Variants in MOK observed in about 807,000 individuals in gnomAD.
MOK encodes the protein MOK protein kinase.
In MOK, 59 loss-of-function variants were observed where a neutral mutation model predicts 54.2. The observed-to-expected ratio is 1.09, with a 90% confidence interval of 0.88 to 1.35. The LOEUF is 1.35. MOK is among the 40% of genes most tolerant of loss of function. The pLI is 0.00. For missense variants in MOK, 517 were observed against 526.2 expected, an observed-to-expected ratio of 0.98 and a Z score of 0.17; for synonymous variants, 210 against 202.7, an observed-to-expected ratio of 1.04 and a Z score of -0.31.
chr14:102,283,691 A>G, intron 1 of MOK, 99 bp from the exon 2 acceptor site: 1 of 670,104 alleles, frequency 1.5e-6, no homozygotes, highest in Non-Finnish European at 2.5e-6. Context: ...TAATTTAAAC[A>G]GCAATATACT....
At chr14:102,261,414 AAAAAATATATATATATATATATATATAT>A (rs2067425450) in intron 4 of MOK, among the ~76,000 whole-genome samples, 1 of 64,266 alleles carries the variant, frequency 1.6e-5, no homozygotes, top group Non-Finnish European at 2.9e-5. Context: ...AAAAAAAAAA[AAAAAATATATATATATATATATATATAT>A]ATATATATAT....
In MOK at chr14:102,283,570, T is replaced by C. The variant is rs1487604908; in HGVS notation, c.30A>G (p.Ile10Met). 6.2e-7 allele frequency: 1 copy of C among 1,612,982 alleles called. No homozygotes were observed. The highest frequency in any genetic ancestry group is 1.1e-5 in the South Asian group (1 of 90,962). The change falls in exon 2 of 12, where the codon ATA becomes ATG. Residue 10 changes from isoleucine to methionine, a missense_variant. Transcript: ENST00000361847. MKNYKAIGKIGEGTFSEVMK... is the reference protein window; with the variant it reads MKNYKAIGKMGEGTFSEVMK... ...TAACTTCAGAAAACGTTCCCTCTCC[T>C]ATTTTGCCAATTGCTTTATAGTCTA...
intron 2 of MOK, among the ~76,000 whole-genome samples, chr14:102,281,794 T>G (rs909824599): frequency 2.0e-5 from 3 of 151,964 alleles, no homozygotes; most frequent in Non-Finnish European, 4.4e-5. Context: ...TCAAATCCTC[T>G]CTCATCAGTG....
intron 1 of MOK, among the ~76,000 whole-genome samples, chr14:102,299,037 C>A (rs1348973279): frequency 6.6e-6 from 1 of 152,180 alleles, no homozygotes; most frequent in African/African-American, 2.4e-5. Flanking sequence ...AGACACACTG[C>A]TTTTAAGAAC....
At chr14:102,298,794 C>T (rs1461201102) in intron 1 of MOK, among the ~76,000 whole-genome samples, 2 of 152,176 alleles carry the variant, frequency 1.3e-5, no homozygotes, top group Non-Finnish European at 2.9e-5. Flanking sequence ...CTCTTTGGGT[C>T]CAGGCTGCTT....
chr14:102,267,708 C>T (rs2068028929), intron 2 of MOK, among the ~76,000 whole-genome samples: 1 of 152,080 alleles, frequency 6.6e-6, no homozygotes, highest in Non-Finnish European at 1.5e-5. Flanking sequence ...AGTTCTAGCC[C>T]CCATTTTCAT....
chr14:102,241,593 C>A (rs914239011), intron 7 of MOK, among the ~76,000 whole-genome samples: 3 of 152,216 alleles, frequency 2.0e-5, no homozygotes, highest in Admixed American at 6.5e-5. Context: ...CGCCCTAGAC[C>A]CAGAGGGGCC....
Position 102,305,074 on chromosome 14 carries a change from A to T in MOK, c.-106T>A. ...CCACTTCCCTGAGGCGGGGTCCCGC[A>T]CTAGGATCTCCGTGGTGGTCCCTCG... is the stretch of plus-strand genomic sequence containing the variant. On this transcript the variant is annotated 5_prime_UTR_variant, in exon 1 of 12. Coordinates refer to ENST00000361847, the MANE Select transcript of MOK (RefSeq NM_014226.3). The T allele has an allele frequency of 1.5e-6, 2 of 1,338,500 alleles. No individual in the cohort carries two copies. Among genetic ancestry groups the T allele is most frequent in the Non-Finnish European group, 2.1e-6 (2 of 951,758 alleles). The allele number at this position is 1,338,500 out of a possible 1,614,324, so 82.9% of individuals were successfully genotyped here. A position where few individuals can be genotyped will look rare whatever the true frequency, so the allele number is the denominator to read the frequency against.
intron 4 of MOK, among the ~76,000 whole-genome samples, chr14:102,262,761 ACTAAAATTCTTTT>A (rs750937635): frequency 1.4e-4 from 22 of 152,230 alleles, no homozygotes; most frequent in Non-Finnish European, 3.1e-4. Flanking sequence ...TGATGCTGTC[ACTAAAATTCTTTT>A]CCAAGTCATA....
chr14:102,226,655 GCCT>G (rs1310849566), downstream of MOK, among the ~76,000 whole-genome samples: 2 of 152,194 alleles, frequency 1.3e-5, no homozygotes, highest in African/African-American at 4.8e-5. This position sits in a 1 kb window ranked among gnomAD's most constrained non-coding sequence, Gnocchi z 4.8. Context: ...GGACCCTGAC[GCCT>G]CCTGCCAAGA....
intron 1 of MOK, among the ~76,000 whole-genome samples, chr14:102,289,641 C>G (rs1418333270): frequency 6.6e-6 from 1 of 152,022 alleles, no homozygotes; most frequent in Non-Finnish European, 1.5e-5. Context: ...AGGTGTGTGC[C>G]ACCATACCAA....
In MOK at chr14:102,228,862, TAA is replaced by T. The variant is rs2153078892; in HGVS notation, c.*425_*426del. The T allele has an allele frequency of 5.5e-6, 1 of 180,494 alleles. No homozygotes were observed. Among genetic ancestry groups the T allele is most frequent in the Non-Finnish European group, 1.1e-5 (1 of 87,114 alleles). The allele number at this position is 180,494 out of a possible 1,614,324, so 11.2% of individuals were successfully genotyped here. ...ACTGTAACGACAGCTTATTCTTTAA[TAA>T]AAGTCAGGGGTGTCAGCAGCGTCAC... is the stretch of plus-strand genomic sequence containing the variant. On this transcript the variant is annotated 3_prime_UTR_variant, in exon 12 of 12. Coordinates refer to ENST00000361847, the MANE Select transcript of MOK (RefSeq NM_014226.3).
intron 4 of MOK, among the ~76,000 whole-genome samples, chr14:102,256,711 A>T (rs2066989232): frequency 6.8e-6 from 1 of 146,340 alleles, no homozygotes; most frequent in African/African-American, 2.7e-5. Context: ...CTATGAATTT[A>T]ACTTGAAACA....
At chr14:102,219,049 C>T in the MOK span, among the ~76,000 whole-genome samples, 2 of 152,166 alleles carry the variant, frequency 1.3e-5, no homozygotes, top group South Asian at 2.1e-4. Context: ...TCCCTGTCAC[C>T]GGGAGTTTGA....
In MOK at chr14:102,235,985, G is replaced by A. The variant is rs1428404846; in HGVS notation, c.591-2196C>T. Among the ~76,000 whole-genome samples, 1 of 152,198 alleles carries A rather than the reference G, an allele frequency of 6.6e-6. No homozygotes were observed. Among genetic ancestry groups the A allele is most frequent in the Non-Finnish European group, 1.5e-5 (1 of 68,038 alleles). ...CAAGGGCACAAAAGACCCGATAGCA[G>A]CAACCCTCCGGGCCTTGTTTTAAGT... On this transcript the variant is annotated intron_variant, in intron 7 of 11. Transcript: ENST00000361847. This position sits in a 1 kb window ranked among gnomAD's most constrained non-coding sequence, Gnocchi z 4.4.
chr14:102,298,748 T>TC (rs1163297681), intron 1 of MOK, among the ~76,000 whole-genome samples: 1 of 152,130 alleles, frequency 6.6e-6, no homozygotes, highest in African/African-American at 2.4e-5. Context: ...GAAGCTTTGT[T>TC]CTTTCACCCT....
intron 1 of MOK, among the ~76,000 whole-genome samples, chr14:102,287,712 A>T (rs1412475253): frequency 6.6e-6 from 1 of 152,210 alleles, no homozygotes; most frequent in East Asian, 1.9e-4. Flanking sequence ...AACATAGATA[A>T]TAACAAGTGT....
downstream of MOK, among the ~76,000 whole-genome samples, chr14:102,220,067 C>T (rs978697344): frequency 1.1e-4 from 16 of 152,238 alleles, no homozygotes; most frequent in Admixed American, 2.6e-4. This position sits in a 1 kb window ranked among gnomAD's most constrained non-coding sequence, Gnocchi z 4.2. Context: ...CGTTGGGTCG[C>T]TTTCTAGGGG....
At chr14:102,273,687 G>A (rs1212222534) in intron 2 of MOK, among the ~76,000 whole-genome samples, 3 of 152,088 alleles carry the variant, frequency 2.0e-5, no homozygotes, top group Admixed American at 6.6e-5. Context: ...GCTGAGGCAG[G>A]AGAATCTCTA....
Sources: gnomAD v4.1 joint callset for allele counts (sites outside exome capture counted in the v4.1 genomes callset) on GRCh38, gnomAD v4.1.1 for gene constraint, Gnocchi (gnomAD v3.1) non-coding constraint, MANE v1.5 for transcripts, NCBI Gene and HGNC (gene_info 2026-07-23, HGNC 2026-07-21) for gene names.